The following CNTN4 variants were observed in gnomAD, a reference collection of about 807,000 sequenced individuals.
CNTN4 encodes the protein contactin-4.
A neutral mutation model predicts 122.5 loss-of-function variants in CNTN4; 77 were observed. The ratio of observed to expected loss-of-function variants is 0.63; its 90% CI spans 0.52 to 0.76. The LOEUF (loss-of-function observed/expected upper bound fraction) is 0.76. Among genes scored for constraint, CNTN4 ranks in the 30% least tolerant of loss-of-function variants. CNTN4 has a pLI of 0.00. For synonymous variants in CNTN4, 512 were observed against 447.0 expected (o/e 1.15, Z -1.83); for missense variants, 1,256 against 1,259.1 (o/e 1.00, Z 0.04).
intron 4 of CNTN4, among the ~76,000 whole-genome samples, chr3:2,595,465 C>T (rs1043926542): frequency 1.3e-5 from 2 of 152,150 alleles, no homozygotes; most frequent in Non-Finnish European, 2.9e-5. Context: ...TCTTCCACAT[C>T]CCACCTAAAG....
intron 14 of CNTN4, among the ~76,000 whole-genome samples, chr3:3,023,253 T>C (rs1402727827): frequency 6.6e-6 from 1 of 152,210 alleles, no homozygotes; most frequent in Non-Finnish European, 1.5e-5. Context: ...CTCTGGTATG[T>C]GTACAGTGCA....
chr3:2,270,675 C>G (rs765896617), intron 2 of CNTN4, among the ~76,000 whole-genome samples: 2 of 129,320 alleles, frequency 1.5e-5, no homozygotes, highest in Non-Finnish European at 3.7e-5. Context: ...TTGTCATTTT[C>G]TAGCTGGAAC....
chr3:2,803,168 G>A (rs911717618), intron 6 of CNTN4, among the ~76,000 whole-genome samples: 1 of 152,080 alleles, frequency 6.6e-6, no homozygotes, highest in African/African-American at 2.4e-5. Context: ...AAATGTGAAT[G>A]GCCCATAAAT....
intron 13 of CNTN4, among the ~76,000 whole-genome samples, chr3:2,968,043 C>T (rs999156243): frequency 6.6e-6 from 1 of 152,042 alleles, no homozygotes; most frequent in African/African-American, 2.4e-5. Context: ...TGCCTTCAGG[C>T]TTCTGTTCAG....
In CNTN4 at chr3:2,257,591, G is replaced by A. The variant is rs1361546814; in HGVS notation, c.-144-81587G>A. ...ACAAAGAACTTAAAGAAATTTACAAGAAAAAAGCAACCCCATCAAAAAGTG... is the reference window on the plus strand; with the variant it reads ...ACAAAGAACTTAAAGAAATTTACAAAAAAAAAGCAACCCCATCAAAAAGTG... On this transcript the variant is annotated intron_variant, in intron 2 of 24. Coordinates refer to ENST00000418658, the MANE Select transcript of CNTN4 (RefSeq NM_175607.3). Among the ~76,000 whole-genome samples the A allele has an allele frequency of 2.0e-5, 3 of 151,996 alleles. No homozygotes were observed. In the East Asian group the frequency reaches 5.8e-4, roughly 29 times the overall value.
At position 2,917,132 on chromosome 3, in the gene CNTN4, T is replaced by G. The variant is rs572258200; in HGVS notation, c.1208-8497T>G. 6.3e-5 allele frequency among the ~76,000 whole-genome samples: 9 copies of G among 143,080 alleles called. No individual in the cohort carries two copies. In the East Asian group the frequency reaches 2.1e-3, roughly 33 times the overall value. 93.9% of individuals were successfully genotyped at this position (143,080 alleles called of 152,430 possible). ...CCGGCCAACACGGCGAAACCCCGTC[T>G]CCACCAAAAAATATAAAAACCAGTC... On this transcript the variant is annotated intron_variant, in intron 12 of 24. Coordinates refer to ENST00000418658, the MANE Select transcript of CNTN4 (RefSeq NM_175607.3).
rs183779083 is a variant in CNTN4 at position 2,439,870 on chromosome 3, C to T, written c.-89+100637C>T. 6.6e-4 allele frequency among the ~76,000 whole-genome samples: 101 copies of T among 152,116 alleles called. No homozygotes were observed. In the East Asian group the frequency reaches 0.014, roughly 22 times the overall value. On this transcript the variant is annotated intron_variant, in intron 3 of 24. Coordinates refer to ENST00000418658, the MANE Select transcript of CNTN4 (RefSeq NM_175607.3). The stretch of plus-strand genomic sequence containing the variant: ...TGAACACCAAGATGGTCAAGTTCAC[C>T]AGATCTTTAGCTCAACACTCTGACC...
chr3:2,854,499 C>T (rs2093597214), intron 7 of CNTN4, among the ~76,000 whole-genome samples: 1 of 152,016 alleles, frequency 6.6e-6, no homozygotes, highest in Non-Finnish European at 1.5e-5. Context: ...TCTCGATCTC[C>T]TGACCTCAAG....
At chr3:2,925,237 C>G (rs574991699) in intron 12 of CNTN4, among the ~76,000 whole-genome samples, 1 of 152,274 alleles carries the variant, frequency 6.6e-6, no homozygotes, top group Admixed American at 6.5e-5. Flanking sequence ...CCTTTGATGA[C>G]CAAGGTAGCA....
At chr3:2,875,671 A>T (rs924279285) in intron 8 of CNTN4, among the ~76,000 whole-genome samples, 5 of 152,174 alleles carry the variant, frequency 3.3e-5, no homozygotes, top group Admixed American at 2.0e-4. Context: ...AACTTTGTTA[A>T]CCCTTGACAA....
intron 15 of CNTN4, among the ~76,000 whole-genome samples, chr3:3,030,423 A>G (rs1699066134): frequency 1.3e-5 from 2 of 152,226 alleles, no homozygotes; most frequent in African/African-American, 4.8e-5. Context: ...GGGTTGAGCA[A>G]TAAAATGCAG....
At chr3:2,710,212 G>A (rs187584581) in intron 4 of CNTN4, among the ~76,000 whole-genome samples, 132 of 152,278 alleles carry the variant, frequency 8.7e-4, no homozygotes, top group Non-Finnish European at 1.6e-3. Flanking sequence ...GATTTTGTTA[G>A]TTTTGCAGGC....
chr3:2,264,719 T>A (rs1255652283), intron 2 of CNTN4, among the ~76,000 whole-genome samples: 1 of 152,116 alleles, frequency 6.6e-6, no homozygotes, highest in African/African-American at 2.4e-5. Flanking sequence ...ACCAATGTTC[T>A]GTATCATTTC....
chr3:2,805,294 A>T (rs902769954), intron 6 of CNTN4, among the ~76,000 whole-genome samples: 5 of 152,162 alleles, frequency 3.3e-5, no homozygotes, highest in African/African-American at 1.2e-4. Flanking sequence ...GTAGCTGTAA[A>T]GTTTCTTGTG....
intron 4 of CNTN4, among the ~76,000 whole-genome samples, chr3:2,656,802 A>G (rs893688204): frequency 6.6e-6 from 1 of 152,192 alleles, no homozygotes; most frequent in Non-Finnish European, 1.5e-5. Context: ...GTATCTGTTC[A>G]AGTATTCTAT....
intron 3 of CNTN4, among the ~76,000 whole-genome samples, chr3:2,441,555 A>T (rs954785261): frequency 6.6e-6 from 1 of 152,232 alleles, no homozygotes; most frequent in South Asian, 2.1e-4. Flanking sequence ...GCAGGTAATA[A>T]ATAAGGTATT....
At chr3:2,920,713 C>G (rs1206540089) in intron 12 of CNTN4, among the ~76,000 whole-genome samples, 1 of 152,114 alleles carries the variant, frequency 6.6e-6, no homozygotes, top group Non-Finnish European at 1.5e-5. Flanking sequence ...AGTTCTTAAT[C>G]TGGATCAAAT....
At chr3:3,000,880 C>CTTTTT (rs59337830) in intron 14 of CNTN4, among the ~76,000 whole-genome samples, 48 of 131,438 alleles carry the variant, frequency 3.7e-4, no homozygotes, top group Non-Finnish European at 5.1e-4. Context: ...TTCTTTCTTT[C>CTTTTT]TTTTTTTTTT....
chr3:2,135,430 T>C (rs1439587958), intron 2 of CNTN4, among the ~76,000 whole-genome samples: 1 of 152,174 alleles, frequency 6.6e-6, no homozygotes, highest in East Asian at 1.9e-4. Context: ...TAAGATGTAA[T>C]GGTAGTTTTT....
Sources: gnomAD v4.1 joint callset for allele counts (sites outside exome capture counted in the v4.1 genomes callset) on GRCh38, gnomAD v4.1.1 for gene constraint, MANE v1.5 for transcripts, NCBI Gene and HGNC (gene_info 2026-07-23, HGNC 2026-07-21) for gene names.